Variants in LIFR observed in about 807,000 individuals in gnomAD.
LIFR encodes LIF receptor subunit alpha, also known as leukemia inhibitory factor receptor.
In LIFR, 84 loss-of-function variants were observed where a neutral mutation model predicts 122.2. The ratio of observed to expected loss-of-function variants is 0.69; its 90% CI spans 0.58 to 0.82. LIFR has a LOEUF of 0.82. Ranked by LOEUF, LIFR falls within the 40% of genes least tolerant of loss-of-function variation. The pLI is 0.00. For missense variants in LIFR, 1,294 were observed against 1,311.6 expected (o/e 0.99, Z 0.21); for synonymous variants, 422 against 434.7 (o/e 0.97, Z 0.36).
chr5:38,533,193 T>C (rs1385663268), intron 1 of LIFR, among the ~76,000 whole-genome samples: 3 of 152,254 alleles, frequency 2.0e-5, no homozygotes, highest in Admixed American at 6.5e-5. Flanking sequence ...AATATGCTCA[T>C]GGGCAGTATC....
intron 14 of LIFR, among the ~76,000 whole-genome samples, chr5:38,492,676 C>A (rs1041606150): frequency 6.6e-6 from 1 of 152,176 alleles, no homozygotes; most frequent in African/African-American, 2.4e-5. Flanking sequence ...CCATCCTCAT[C>A]ATCTGAGAGA....
At chr5:38,551,345 G>A (rs1748189910) in intron 1 of LIFR, among the ~76,000 whole-genome samples, 2 of 152,134 alleles carry the variant, frequency 1.3e-5, no homozygotes, top group African/African-American at 4.8e-5. Context: ...AAGTCCTGGT[G>A]GCGATTCTCA....
intron 1 of LIFR, among the ~76,000 whole-genome samples, chr5:38,555,733 C>G (rs747538930): frequency 3.9e-5 from 6 of 151,988 alleles, no homozygotes; most frequent in Non-Finnish European, 7.4e-5. Context: ...GGGCAAAAAT[C>G]ACATTAATTC....
intron 2 of LIFR, among the ~76,000 whole-genome samples, chr5:38,600,428 G>A (rs1750201507): frequency 6.6e-6 from 1 of 152,170 alleles, no homozygotes; most frequent in Non-Finnish European, 1.5e-5. Context: ...ACTTCCTTTA[G>A]TTTTAACTAT....
In LIFR at chr5:38,478,432, A is replaced by G. The variant is rs142495539; in HGVS notation, c.*3163T>C. On this transcript the variant is annotated 3_prime_UTR_variant, in exon 20 of 20. Transcript: ENST00000453190. ...AAGCACCTCTATCATATAAGCACAT[A>G]AACACACAACTCAACTATCCAGATA... The G allele has an allele frequency of 1.5e-3, 321 of 212,116 alleles. 1 individual carries two copies. The highest frequency in any genetic ancestry group is 0.011 in the East Asian group (153 of 14,262). The allele number at this position is 212,116 out of a possible 1,614,324, so 13.1% of individuals were successfully genotyped here.
chr5:38,596,912 GAAA>G (rs10607386), upstream of LIFR, among the ~76,000 whole-genome samples: 20 of 147,936 alleles, frequency 1.4e-4, no homozygotes, highest in African/African-American at 2.2e-4. Flanking sequence ...TGGCATGCAA[GAAA>G]AAAAAAAAAT....
intron 1 of LIFR, among the ~76,000 whole-genome samples, chr5:38,536,842 T>C (rs1747318941): frequency 6.6e-6 from 1 of 152,238 alleles, no homozygotes; most frequent in Non-Finnish European, 1.5e-5. Context: ...AGGAAAATAA[T>C]ATTGAAATTT....
chr5:38,487,035 G>C (rs1425093087), intron 16 of LIFR, among the ~76,000 whole-genome samples: 1 of 151,996 alleles, frequency 6.6e-6, no homozygotes, highest in Non-Finnish European at 1.5e-5. Context: ...TGTACACTCA[G>C]ATTTTCCACG....
At chr5:38,505,698 A>T (rs946696703) in intron 9 of LIFR, among the ~76,000 whole-genome samples, 1 of 152,186 alleles carries the variant, frequency 6.6e-6, no homozygotes. Context: ...AGAAAGAGTA[A>T]ATTACTAATT....
chr5:38,482,504 A>T, intron 19 of LIFR, 85 bp downstream of exon 19: 2 of 752,520 alleles, frequency 2.7e-6, no homozygotes, highest in East Asian at 2.6e-5. Context: ...AATTAAAATG[A>T]CATTTGCATG....
chr5:38,537,846 T>C (rs1325294635), intron 1 of LIFR, among the ~76,000 whole-genome samples: 1 of 152,222 alleles, frequency 6.6e-6, no homozygotes, highest in Non-Finnish European at 1.5e-5. Flanking sequence ...AGAAAAAAAA[T>C]CTTAATATGC....
chr5:38,598,470 T>G (rs7734176), upstream of LIFR, among the ~76,000 whole-genome samples: 6,414 of 151,888 alleles, frequency 0.042, 479 homozygotes, highest in African/African-American at 0.15. Context: ...GGTCTTAAAC[T>G]CCTGACCTTA....
At chr5:38,557,182 T>C (rs1013974615), upstream of LIFR, 1 of 152,334 alleles carries the variant, frequency 6.6e-6, no homozygotes, top group African/African-American at 2.4e-5. Context: ...CTGGTCCTCC[T>C]GCCGGGTGTG....
At chr5:38,482,430 A>C (rs1299177768) in intron 19 of LIFR, among the ~76,000 whole-genome samples, 159 bp downstream of exon 19, 1 of 151,694 alleles carries the variant, frequency 6.6e-6, no homozygotes, top group Non-Finnish European at 1.5e-5. Context: ...GCACTGTATA[A>C]TTTAAAATTA....
rs914454225 is a variant in LIFR at position 38,579,807 on chromosome 5, T to A, written c.-20+15454A>T. On this transcript the variant is annotated intron_variant, in intron 1 of 19. Transcript: ENST00000263409. ...TAGCTTTGAGCTATTCGTGTGTTTTTAAAAATGTGATATTCTACTAGGTCA... is the reference window on the plus strand; with the variant it reads ...TAGCTTTGAGCTATTCGTGTGTTTTAAAAAATGTGATATTCTACTAGGTCA... Among the ~76,000 whole-genome samples, 3 of 152,206 alleles carry A rather than the reference T, an allele frequency of 2.0e-5. No homozygotes were observed. The East Asian group carries it at 5.8e-4, about 29-fold the overall frequency.
intron 12 of LIFR, among the ~76,000 whole-genome samples, chr5:38,499,099 T>G (rs1222108079): frequency 6.6e-6 from 1 of 152,184 alleles, no homozygotes; most frequent in African/African-American, 2.4e-5. Flanking sequence ...ATACAAAACT[T>G]TATAACTGGC....
intron 5 of LIFR, among the ~76,000 whole-genome samples, chr5:38,519,666 C>T (rs1371815498): frequency 6.6e-6 from 1 of 152,152 alleles, no homozygotes; most frequent in Non-Finnish European, 1.5e-5. Flanking sequence ...CTAATAATAT[C>T]TTTACCTCCA....
chr5:38,551,250 T>TGGAAACAGTTGGCATCCTGTCCCC (rs1483631945), intron 1 of LIFR, among the ~76,000 whole-genome samples: 1 of 152,206 alleles, frequency 6.6e-6, no homozygotes, highest in Non-Finnish European at 1.5e-5. Flanking sequence ...GCCCGTTGCA[T>TGGAAACAGTTGGCATCCTGTCCCC]GGAAACAGTT....
At chr5:38,500,252 G>T (rs553274988) in intron 11 of LIFR, among the ~76,000 whole-genome samples, 3 of 152,210 alleles carry the variant, frequency 2.0e-5, no homozygotes, top group African/African-American at 7.2e-5. Flanking sequence ...TCCATAGGCC[G>T]AGATCTCTGT....
Sources: gnomAD v4.1 joint callset for allele counts (sites outside exome capture counted in the v4.1 genomes callset) on GRCh38, gnomAD v4.1.1 for gene constraint, MANE v1.5 for transcripts, NCBI Gene and HGNC (gene_info 2026-07-23, HGNC 2026-07-21) for gene names.